The following SDK1 variants were observed in gnomAD, a reference collection of about 807,000 sequenced individuals.
The protein encoded by SDK1 is protein sidekick-1.
In SDK1, 157 loss-of-function variants were observed where a neutral mutation model predicts 245.5. The observed-to-expected ratio is 0.64, with a 90% CI of 0.56 to 0.73. The LOEUF (loss-of-function observed/expected upper bound fraction) is 0.73. Ranked by LOEUF, SDK1 falls within the 30% of genes least tolerant of loss-of-function variation. The pLI is 0.00. For synonymous variants in SDK1, 1,647 were observed against 1,278.5 expected (o/e 1.29, Z -6.15); for missense variants, 3,583 against 3,002.3 (o/e 1.19, Z -4.52).
At chr7:4,194,057 CATATTAA>C (rs1260803647) in intron 35 of SDK1, among the ~76,000 whole-genome samples, 2 of 152,100 alleles carry the variant, frequency 1.3e-5, no homozygotes, top group Admixed American at 6.6e-5. Context: ...TGGATCTAAT[CATATTAA>C]GCAGCCAACT....
chr7:3,633,834 C>T (rs373309367), intron 2 of SDK1, among the ~76,000 whole-genome samples: 2 of 152,146 alleles, frequency 1.3e-5, no homozygotes, highest in African/African-American at 4.8e-5. Flanking sequence ...GGAGATTGGG[C>T]AGGAACAGAG....
chr7:3,595,733 T>C (rs1358565115), intron 1 of SDK1, among the ~76,000 whole-genome samples: 2 of 148,602 alleles, frequency 1.3e-5, no homozygotes, highest in African/African-American at 5.0e-5. Flanking sequence ...AGTCTAATTG[T>C]TAGAGAATGG....
At chr7:3,603,424 AT>A (rs1781313282) in intron 1 of SDK1, among the ~76,000 whole-genome samples, 1 of 150,880 alleles carries the variant, frequency 6.6e-6, no homozygotes. Flanking sequence ...ATTCCTAGGT[AT>A]TTTATTCTCT....
intron 2 of SDK1, among the ~76,000 whole-genome samples, chr7:3,629,538 A>G (rs919510847): frequency 4.6e-5 from 7 of 152,144 alleles, no homozygotes; most frequent in Non-Finnish European, 7.4e-5. Context: ...GTAAAACCTC[A>G]TATTCATGAG....
At chr7:3,728,668 C>T (rs369147962) in intron 4 of SDK1, among the ~76,000 whole-genome samples, 3 of 152,188 alleles carry the variant, frequency 2.0e-5, no homozygotes, top group South Asian at 2.1e-4. Context: ...TACAGTGGCA[C>T]GATCTCAGCT....
chr7:3,807,339 A>G (rs1035469044), intron 4 of SDK1, among the ~76,000 whole-genome samples: 35 of 152,190 alleles, frequency 2.3e-4, no homozygotes, highest in African/African-American at 8.0e-4. Flanking sequence ...GCTGACACAC[A>G]TAACTCGGGT....
At position 4,178,550 on chromosome 7, in the gene SDK1, G is replaced by A; in HGVS notation, c.5062G>A (p.Ala1688Thr). ...CTATAACATCATCGGCGAGAGCCCAGCCAGCGCGCCCGTGGAGGTCTTTGT... is the reference window on the plus strand; with the variant it reads ...CTATAACATCATCGGCGAGAGCCCAACCAGCGCGCCCGTGGAGGTCTTTGT... Reference protein sequence around the residue: ...TAYNIIGESPASAPVEVFVGE... With the variant: ...TAYNIIGESPTSAPVEVFVGE... The change falls in exon 35 of 45, where the codon GCC (alanine) becomes ACC (threonine). Residue 1688 changes from alanine (A) to threonine (T), a missense_variant. By Grantham distance (58) the Ala-to-Thr change is moderately conservative. Coordinates refer to ENST00000404826, the MANE Select transcript of SDK1 (RefSeq NM_152744.4). The A allele has an allele frequency of 6.2e-7, 1 of 1,613,328 alleles. No homozygotes were observed. Among genetic ancestry groups the A allele is most frequent in the African/African-American group, 1.3e-5 (1 of 75,066 alleles).
At chr7:3,431,912 C>T (rs1372557315) in intron 1 of SDK1, among the ~76,000 whole-genome samples, 5 of 151,580 alleles carry the variant, frequency 3.3e-5, no homozygotes, top group African/African-American at 9.7e-5. Context: ...AAAGATTCTC[C>T]CTAGAATTCC....
At chr7:3,787,218 A>G (rs1344470208) in intron 4 of SDK1, among the ~76,000 whole-genome samples, 1 of 151,472 alleles carries the variant, frequency 6.6e-6, no homozygotes, top group South Asian at 2.1e-4. Flanking sequence ...TCAGTGGACT[A>G]TTGCCGTTAG....
chr7:4,111,553 TA>T (rs1783351510), intron 23 of SDK1, among the ~76,000 whole-genome samples: 1 of 151,746 alleles, frequency 6.6e-6, no homozygotes, highest in Admixed American at 6.6e-5. Context: ...TGAGAGATGC[TA>T]TTTAGCTTCT....
intron 1 of SDK1, among the ~76,000 whole-genome samples, chr7:3,365,005 C>T (rs1424866373): frequency 1.3e-5 from 2 of 152,126 alleles, no homozygotes; most frequent in Non-Finnish European, 2.9e-5. Flanking sequence ...CACTTAAGAA[C>T]TTAATTTTCT....
intron 4 of SDK1, among the ~76,000 whole-genome samples, chr7:3,812,303 G>A (rs553973274): frequency 5.3e-5 from 8 of 152,206 alleles, no homozygotes; most frequent in East Asian, 3.9e-4. Flanking sequence ...CACATTTATC[G>A]ACTACACACT....
intron 22 of SDK1, among the ~76,000 whole-genome samples, chr7:4,081,416 GT>G (rs71813020): frequency 0.023 from 3,437 of 151,788 alleles, 60 homozygotes; most frequent in Admixed American, 0.05. Context: ...CATACAACCT[GT>G]TTCTTTAATT....
intron 5 of SDK1, among the ~76,000 whole-genome samples, chr7:3,935,565 G>T (rs190268349): frequency 6.6e-6 from 1 of 152,070 alleles, no homozygotes; most frequent in Non-Finnish European, 1.5e-5. Context: ...AATGGGCAAA[G>T]AACTGGAATA....
At chr7:3,634,192 C>T (rs529344903) in intron 2 of SDK1, among the ~76,000 whole-genome samples, 1 of 152,208 alleles carries the variant, frequency 6.6e-6, no homozygotes, top group Non-Finnish European at 1.5e-5. Flanking sequence ...TCCACAAAAG[C>T]TCATAGGGTG....
intron 5 of SDK1, among the ~76,000 whole-genome samples, chr7:3,876,848 T>A (rs1239513236): frequency 6.6e-6 from 1 of 152,250 alleles, no homozygotes; most frequent in African/African-American, 2.4e-5. Context: ...AACACAGCTC[T>A]ATCAGACTTC....
chr7:3,634,779 G>C lies in SDK1; in HGVS notation c.459-4225G>C, dbSNP rs1472322500. 2.0e-5 allele frequency among the ~76,000 whole-genome samples: 3 copies of C among 152,206 alleles called. No homozygotes were observed. The East Asian group carries it at 5.8e-4, about 29-fold the overall frequency. On this transcript the variant is annotated intron_variant, in intron 2 of 44. Transcript: ENST00000404826. ...TTCCTTGGTGAGACATTAGACTAAA[G>C]AGATGGTACAAAACAGCATATGCTT... is the stretch of plus-strand genomic sequence containing the variant.
chr7:3,638,201 A>G (rs79677999), intron 2 of SDK1, among the ~76,000 whole-genome samples: 3 of 152,358 alleles, frequency 2.0e-5, no homozygotes, highest in Non-Finnish European at 4.4e-5. Context: ...GGTGATATTT[A>G]AAGCCCAGTT....
chr7:3,496,253 C>T (rs201615443), intron 1 of SDK1, among the ~76,000 whole-genome samples: 2 of 151,992 alleles, frequency 1.3e-5, no homozygotes, highest in Admixed American at 1.3e-4. Context: ...ATCTGAGGCT[C>T]CCAGGATAGT....
Sources: allele counts gnomAD v4.1 joint callset (sites outside exome capture counted in the v4.1 genomes callset), GRCh38; gene constraint gnomAD v4.1.1; transcripts MANE v1.5; gene names NCBI Gene and HGNC (gene_info 2026-07-23, HGNC 2026-07-21).